ATRNL1: variants seen among roughly 807,000 people sequenced by gnomAD.
ATRNL1 encodes attractin-like protein 1.
In ATRNL1, 95 loss-of-function variants were observed where a neutral mutation model predicts 182.7. The ratio of observed to expected loss-of-function variants is 0.52; its 90% CI spans 0.44 to 0.62. The LOEUF (loss-of-function observed/expected upper bound fraction) is 0.62. Among genes scored for constraint, ATRNL1 ranks in the 20% least tolerant of loss-of-function variants. The probability of loss-of-function intolerance (pLI) is 0.00; values close to 1 mark genes in which losing one functional copy is unlikely to be tolerated. For missense variants in ATRNL1, 1,471 were observed against 1,679.5 expected, an observed-to-expected ratio of 0.88 and a Z score of 2.17; for synonymous variants, 576 against 568.3, an observed-to-expected ratio of 1.01 and a Z score of -0.19.
At chr10:115,825,730 A>G (rs543615102) in intron 27 of ATRNL1, among the ~76,000 whole-genome samples, 5 of 152,188 alleles carry the variant, frequency 3.3e-5, no homozygotes, top group Non-Finnish European at 5.9e-5. Flanking sequence ...ATTAATAAAT[A>G]CTAGTCCTTT....
At chr10:115,350,498 A>G (rs782075032) in intron 19 of ATRNL1, among the ~76,000 whole-genome samples, 8 of 152,016 alleles carry the variant, frequency 5.3e-5, no homozygotes, top group South Asian at 4.1e-4. Flanking sequence ...TATATACAGG[A>G]TATAATTTTC....
At chr10:115,510,239 A>C (rs549025319) in intron 24 of ATRNL1, among the ~76,000 whole-genome samples, 2 of 152,210 alleles carry the variant, frequency 1.3e-5, no homozygotes, top group East Asian at 1.9e-4. Flanking sequence ...ATATCACATA[A>C]ACTTGATAAA....
chr10:115,178,527 G>C (rs1204722479), intron 8 of ATRNL1, among the ~76,000 whole-genome samples: 1 of 152,062 alleles, frequency 6.6e-6, no homozygotes, highest in Admixed American at 6.6e-5. Context: ...GTTTTTAAAT[G>C]AATATGACAC....
At chr10:115,489,816 G>C (rs2134650169) in intron 24 of ATRNL1, among the ~76,000 whole-genome samples, 1 of 152,286 alleles carries the variant, frequency 6.6e-6, no homozygotes, top group East Asian at 1.9e-4. Context: ...TTTCTTCATA[G>C]CATTGATGGT....
chr10:115,874,902 G>T (rs1428719992), intron 28 of ATRNL1, among the ~76,000 whole-genome samples: 3 of 152,162 alleles, frequency 2.0e-5, no homozygotes, highest in Non-Finnish European at 4.4e-5. Context: ...TTCTGAGCAG[G>T]GATCCAAGCT....
At chr10:115,819,800 C>G (rs1950249800) in intron 27 of ATRNL1, 1 of 151,990 alleles carries the variant, frequency 6.6e-6, no homozygotes, top group African/African-American at 2.4e-5. Flanking sequence ...CCACTGAACA[C>G]TAAACTAAAC....
intron 26 of ATRNL1, among the ~76,000 whole-genome samples, chr10:115,669,451 G>A (rs1388088845): frequency 6.6e-6 from 1 of 152,046 alleles, no homozygotes; most frequent in Admixed American, 6.6e-5. Flanking sequence ...CTTATCATAA[G>A]GTAAATGCCA....
intron 10 of ATRNL1, among the ~76,000 whole-genome samples, chr10:115,258,518 C>CT (rs1311863404): frequency 6.6e-6 from 1 of 151,962 alleles, no homozygotes; most frequent in Non-Finnish European, 1.5e-5. Context: ...TTCGTCTAAT[C>CT]TTTTTTTCAA....
intron 27 of ATRNL1, among the ~76,000 whole-genome samples, chr10:115,827,195 G>A (rs1171164899): frequency 1.3e-5 from 2 of 152,164 alleles, no homozygotes; most frequent in Non-Finnish European, 1.5e-5. Context: ...AGCCTCCAAC[G>A]TCTGAAAGTC....
intron 28 of ATRNL1, among the ~76,000 whole-genome samples, chr10:115,895,349 G>A (rs1218905669): frequency 6.6e-6 from 1 of 152,198 alleles, no homozygotes; most frequent in East Asian, 1.9e-4. Flanking sequence ...GTATTCCCGG[G>A]TGCAGTGCCT....
In ATRNL1 at chr10:115,736,247, C is replaced by T. The variant is rs568899600; in HGVS notation, c.3903+8892C>T. 1.7e-4 allele frequency among the ~76,000 whole-genome samples: 26 copies of T among 152,156 alleles called. No homozygotes were observed. The South Asian group carries it at 2.7e-3, about 16-fold the overall frequency. ...CAATGCTGTTTCTTTTGGCTTATTCCGAACATTGTTCCAATTCACTAACTA... is the reference window on the plus strand; with the variant it reads ...CAATGCTGTTTCTTTTGGCTTATTCTGAACATTGTTCCAATTCACTAACTA... On this transcript the variant is annotated intron_variant, in intron 27 of 28. Coordinates refer to ENST00000355044, the MANE Select transcript of ATRNL1 (RefSeq NM_207303.4).
intron 23 of ATRNL1, among the ~76,000 whole-genome samples, chr10:115,467,554 A>G (rs1460722174): frequency 6.6e-6 from 1 of 150,750 alleles, no homozygotes; most frequent in Non-Finnish European, 1.5e-5. Flanking sequence ...TAATGACTAA[A>G]GAGACTGAAA....
At chr10:115,821,398 T>A (rs2134283180) in intron 27 of ATRNL1, among the ~76,000 whole-genome samples, 1 of 152,158 alleles carries the variant, frequency 6.6e-6, no homozygotes, top group South Asian at 2.1e-4. Context: ...TGGTTGGTAC[T>A]GGTTTTTCCT....
intron 5 of ATRNL1, among the ~76,000 whole-genome samples, chr10:115,131,616 T>C (rs947419276): frequency 1.2e-4 from 18 of 152,174 alleles, no homozygotes; most frequent in Non-Finnish European, 4.4e-5. Context: ...GATTTGCTTC[T>C]AGGACAAATG....
At chr10:115,151,164 T>C (rs1846208913) in intron 5 of ATRNL1, among the ~76,000 whole-genome samples, 1 of 152,212 alleles carries the variant, frequency 6.6e-6, no homozygotes, top group South Asian at 2.1e-4. Context: ...CTATTGTGAA[T>C]AGTGCCGCAA....
At chr10:115,207,788 C>G (rs1276286312) in intron 8 of ATRNL1, among the ~76,000 whole-genome samples, 3 of 151,834 alleles carry the variant, frequency 2.0e-5, no homozygotes, top group African/African-American at 7.2e-5. Context: ...GCTTTTTTGT[C>G]TTCATAACTT....
chr10:115,843,256 G>A (rs982597985), intron 27 of ATRNL1, among the ~76,000 whole-genome samples: 3 of 152,072 alleles, frequency 2.0e-5, no homozygotes, highest in African/African-American at 7.2e-5. Context: ...CAAAAAGGTG[G>A]CACAAGCACC....
At chr10:115,699,988 C>T (rs1199227985) in intron 26 of ATRNL1, among the ~76,000 whole-genome samples, 1 of 152,150 alleles carries the variant, frequency 6.6e-6, no homozygotes, top group Non-Finnish European at 1.5e-5. Context: ...CGGCCTTCAG[C>T]TACATCCATG....
At chr10:115,899,834 G>T (rs564619954) in intron 28 of ATRNL1, among the ~76,000 whole-genome samples, 1 of 152,054 alleles carries the variant, frequency 6.6e-6, no homozygotes, top group Non-Finnish European at 1.5e-5. Context: ...ATGACTGATG[G>T]TTAAAAGAAT....
Sources: allele counts gnomAD v4.1 joint callset (sites outside exome capture counted in the v4.1 genomes callset), GRCh38; gene constraint gnomAD v4.1.1; transcripts MANE v1.5; gene names NCBI Gene and HGNC (gene_info 2026-07-23, HGNC 2026-07-21).